The following GABRG1 variants were observed in gnomAD, a reference collection of about 807,000 sequenced individuals.
GABRG1 encodes the protein gamma-aminobutyric acid type A receptor subunit gamma1, also known as gamma-aminobutyric acid receptor subunit gamma-1.
Under a neutral mutation model 49.8 loss-of-function variants are expected in GABRG1, and 49 were observed. The ratio of observed to expected loss-of-function variants is 0.98; its 90% CI spans 0.78 to 1.25. GABRG1 has a LOEUF of 1.25. Ranked by LOEUF, GABRG1 falls within the 50% of genes most tolerant of loss-of-function variation. The probability of loss-of-function intolerance (pLI) is 0.00; values close to 1 mark genes in which losing one functional copy is unlikely to be tolerated. For synonymous variants in GABRG1, 232 were observed against 185.1 expected, an observed-to-expected ratio of 1.25 and a Z score of -2.06; for missense variants, 552 against 552.3, an observed-to-expected ratio of 1.00 and a Z score of 0.01.
Position 46,038,825 on chromosome 4 carries a change from T to C in GABRG1, c.*2163A>G, listed in dbSNP as rs1683963694. On this transcript the variant is annotated 3_prime_UTR_variant, in exon 9 of 9. Transcript: ENST00000295452. ...TATATACAAGGAAAGGCATCTTTCA[T>C]ATATTTACAAATTTTATTTCCACTT... 6 of 151,772 alleles carry C rather than the reference T, an allele frequency of 4.0e-5. No individual in the cohort carries two copies. The highest frequency in any genetic ancestry group is 4.0e-4 in the Admixed American group (6 of 15,180). 9.4% of individuals were successfully genotyped at this position (151,772 alleles called of 1,614,324 possible).
chr4:46,110,589 A>G (rs776273712), intron 1 of GABRG1, among the ~76,000 whole-genome samples: 2 of 151,266 alleles, frequency 1.3e-5, no homozygotes, highest in African/African-American at 4.8e-5. Flanking sequence ...ATGAACATAG[A>G]TGCAAAAACC....
chr4:46,114,223 T>G (rs990712535), intron 1 of GABRG1, among the ~76,000 whole-genome samples: 4 of 151,020 alleles, frequency 2.6e-5, no homozygotes, highest in African/African-American at 7.3e-5. Context: ...TTTCAGAATT[T>G]TATTATATGT....
At chr4:46,058,772 A>G (rs1326859358) in intron 5 of GABRG1, 150 bp from the exon 6 acceptor site, 4 of 623,852 alleles carry the variant, frequency 6.4e-6, no homozygotes, top group African/African-American at 5.5e-5. Flanking sequence ...ATAAATATTA[A>G]TAAGCAGAGT....
At chr4:46,063,381 T>A (rs965189095) in intron 5 of GABRG1, among the ~76,000 whole-genome samples, 1 of 152,074 alleles carries the variant, frequency 6.6e-6, no homozygotes, top group African/African-American at 2.4e-5. Flanking sequence ...TACAACTATC[T>A]GATCTTTGAC....
Position 46,094,884 on chromosome 4 carries a change from G to A in GABRG1, c.253+2317C>T, listed in dbSNP as rs1020728866. Among the ~76,000 whole-genome samples the A allele has an allele frequency of 5.5e-4, 84 of 151,684 alleles. 2 individuals carry two copies. Among genetic ancestry groups the A allele is most frequent in the Admixed American group, 5.4e-3 (82 of 15,174 alleles). Reference sequence around the variant, plus strand: ...AATAATTATTGCAGAATTAAGATACGAAGATCCAATACAAATCAATTGTGG... The same window carrying A: ...AATAATTATTGCAGAATTAAGATACAAAGATCCAATACAAATCAATTGTGG... On this transcript the variant is annotated intron_variant, in intron 2 of 8. Coordinates refer to ENST00000295452, the MANE Select transcript of GABRG1 (RefSeq NM_173536.4).
At chr4:46,111,089 C>A (rs986105279) in intron 1 of GABRG1, among the ~76,000 whole-genome samples, 3 of 150,826 alleles carry the variant, frequency 2.0e-5, no homozygotes, top group African/African-American at 7.3e-5. Context: ...GATTCTATAC[C>A]AGGAAAATCC....
intron 2 of GABRG1, among the ~76,000 whole-genome samples, chr4:46,092,629 A>T (rs1233846601): frequency 6.6e-6 from 1 of 152,108 alleles, no homozygotes; most frequent in African/African-American, 2.4e-5. Context: ...ACATATCTGC[A>T]TTAACCACTC....
rs779053780 is a variant in GABRG1, at chr4:46,041,083, G to C, written c.1303C>G (p.Arg435Gly). 4.3e-6 allele frequency: 7 copies of C among 1,613,020 alleles called. No individual in the cohort carries two copies. The highest frequency in any genetic ancestry group is 5.9e-6 in the Non-Finnish European group (7 of 1,179,326). ...GAATAAGAGTCAATTTTGGCAATGC[G>C]TATGTGTATCCTTCCTTCCCTCCAA... The part of the protein sequence containing the change: ...GSWREGRIHI[R>G]IAKIDSYSRI... The change falls in exon 9 of 9, where the codon CGC becomes GGC. Residue 435 changes from arginine (R) to glycine (G), a missense_variant. Physicochemically the swap from Arg to Gly is moderately radical, Grantham distance 125. Coordinates refer to ENST00000295452, the MANE Select transcript of GABRG1 (RefSeq NM_173536.4).
Position 46,097,364 on chromosome 4 carries a change from G to GA in GABRG1, c.105-16dup, listed in dbSNP as rs768920884. ...CCTTATCAACACTAAATAATTCAAA[G>GA]AAAAAAATGGATGGTAGAAGGTTCA... On this transcript the variant is annotated splice_polypyrimidine_tract_variant and intron_variant, in intron 1 of 8. Coordinates refer to ENST00000295452, the MANE Select transcript of GABRG1 (RefSeq NM_173536.4). 30 of 1,581,384 alleles carry GA rather than the reference G, an allele frequency of 1.9e-5. No individual in the cohort carries two copies. In the Middle Eastern group the frequency reaches 1.2e-3, roughly 63 times the overall value.
chr4:46,107,179 T>G (rs190252177), intron 1 of GABRG1, among the ~76,000 whole-genome samples: 6 of 151,270 alleles, frequency 4.0e-5, no homozygotes. Flanking sequence ...TTTGTACCCA[T>G]TATGTGGTTT....
chr4:46,113,499 A>G (rs1281235496), intron 1 of GABRG1, among the ~76,000 whole-genome samples: 1 of 150,960 alleles, frequency 6.6e-6, no homozygotes, highest in African/African-American at 2.4e-5. Flanking sequence ...ATTCAAGATG[A>G]GATTTGGCGG....
chr4:46,061,874 A>ATT (rs71193840), intron 5 of GABRG1, among the ~76,000 whole-genome samples: 6 of 141,642 alleles, frequency 4.2e-5, no homozygotes, highest in African/African-American at 1.5e-4. Context: ...TGTTTATTTT[A>ATT]TTTTTTTTAT....
intron 1 of GABRG1, among the ~76,000 whole-genome samples, chr4:46,115,474 A>G (rs1025585388): frequency 1.5e-4 from 23 of 150,828 alleles, no homozygotes; most frequent in Non-Finnish European, 2.1e-4. Context: ...ATGTTTCAAC[A>G]ACAGCAACAA....
chr4:46,046,502 C>T (rs956494193), intron 8 of GABRG1, among the ~76,000 whole-genome samples: 1 of 152,016 alleles, frequency 6.6e-6, no homozygotes, highest in Admixed American at 6.6e-5. Flanking sequence ...GGGAGCTTTG[C>T]CAAATACTAT....
At chr4:46,074,388 T>A (rs1719248973) in intron 3 of GABRG1, among the ~76,000 whole-genome samples, 2 of 152,134 alleles carry the variant, frequency 1.3e-5, no homozygotes, top group Admixed American at 1.3e-4. Context: ...ACAGTCCAGC[T>A]GCAGAAAATG....
chr4:46,107,689 A>G (rs1392633521), intron 1 of GABRG1, among the ~76,000 whole-genome samples: 8 of 151,132 alleles, frequency 5.3e-5, no homozygotes, highest in African/African-American at 1.7e-4. Context: ...CAAAAATCCT[A>G]TCTTATTTTA....
At chr4:46,086,652 T>A (rs1719766894) in intron 2 of GABRG1, among the ~76,000 whole-genome samples, 1 of 151,568 alleles carries the variant, frequency 6.6e-6, no homozygotes, top group South Asian at 2.1e-4. Context: ...ATAATTTTTT[T>A]TCTTTATTTT....
At chr4:46,053,348 A>C (rs2109399144) in intron 7 of GABRG1, among the ~76,000 whole-genome samples, 1 of 151,990 alleles carries the variant, frequency 6.6e-6, no homozygotes, top group South Asian at 2.1e-4. Flanking sequence ...CAATCAGGTA[A>C]AGTAGTTGAT....
At chr4:46,097,462 G>A in intron 1 of GABRG1, 113 bp from the exon 2 acceptor site, 1 of 947,628 alleles carries the variant, frequency 1.1e-6, no homozygotes. Flanking sequence ...CAGACAAAAA[G>A]GTATTACACT....
Sources: allele counts gnomAD v4.1 joint callset (sites outside exome capture counted in the v4.1 genomes callset), GRCh38; gene constraint gnomAD v4.1.1; transcripts MANE v1.5; gene names NCBI Gene and HGNC (gene_info 2026-07-23, HGNC 2026-07-21).